The following CCDC3 variants were observed in gnomAD, a reference collection of about 807,000 sequenced individuals.
The protein encoded by CCDC3 is coiled-coil domain-containing protein 3.
CCDC3 carries 24 observed loss-of-function variants against 21.4 expected under a neutral mutation model. The ratio of observed to expected loss-of-function variants is 1.12; its 90% confidence interval spans 0.81 to 1.58. The LOEUF is 1.58. Ranked by LOEUF, CCDC3 falls within the 40% of genes most tolerant of loss-of-function variation. CCDC3 has a pLI of 0.00. For synonymous variants in CCDC3, 186 were observed against 166.0 expected, an observed-to-expected ratio of 1.12 and a Z score of -0.93; for missense variants, 425 against 360.9, an observed-to-expected ratio of 1.18 and a Z score of -1.44.
chr10:13,037,157 G>A (rs905832611), intron 5 of CCDC3, among the ~76,000 whole-genome samples: 1 of 151,950 alleles, frequency 6.6e-6, no homozygotes, highest in Non-Finnish European at 1.5e-5. Flanking sequence ...TGTCATCCTT[G>A]CTACATTTTT....
intron 2 of CCDC3, among the ~76,000 whole-genome samples, chr10:12,960,430 G>A (rs2580886): frequency 0.99 from 150,735 of 152,044 alleles, 74,739 homozygotes; most frequent in East Asian, 1. Context: ...CTGAGGATGG[G>A]AACTCCCCCA....
intron 1 of CCDC3, among the ~76,000 whole-genome samples, chr10:12,999,909 A>C (rs1331901596): frequency 6.6e-6 from 1 of 152,186 alleles, no homozygotes; most frequent in Admixed American, 6.5e-5. Context: ...CTTTATTTAG[A>C]AACTACACTT....
At chr10:12,913,272 T>C (rs1164121262) in intron 2 of CCDC3, among the ~76,000 whole-genome samples, 3 of 152,266 alleles carry the variant, frequency 2.0e-5, no homozygotes, top group Non-Finnish European at 2.9e-5. Flanking sequence ...CAATGTCTTA[T>C]AGTTTTCAGT....
intron 3 of CCDC3, among the ~76,000 whole-genome samples, chr10:13,079,638 G>T (rs1441416742): frequency 1.3e-5 from 2 of 152,214 alleles, no homozygotes; most frequent in Admixed American, 6.5e-5. Context: ...ATGTCTTAGA[G>T]GTTAAAAAGA....
intron 2 of CCDC3, among the ~76,000 whole-genome samples, chr10:12,993,651 G>C (rs1434334544): frequency 3.3e-5 from 5 of 152,300 alleles, no homozygotes; most frequent in African/African-American, 4.8e-5. Flanking sequence ...GGTGTGGAAA[G>C]AAATCTGCCA....
intron 2 of CCDC3, among the ~76,000 whole-genome samples, chr10:12,900,451 G>A (rs1834074302): frequency 6.6e-6 from 1 of 150,512 alleles, no homozygotes; most frequent in African/African-American, 2.5e-5. Context: ...GGCTGAGGTG[G>A]GCGGATCACA....
At chr10:13,053,037 G>T (rs552004838) in intron 4 of CCDC3, among the ~76,000 whole-genome samples, 3 of 150,740 alleles carry the variant, frequency 2.0e-5, no homozygotes, top group African/African-American at 7.3e-5. Context: ...CCTTCCAATG[G>T]ATCTTCTTAC....
intron 2 of CCDC3, among the ~76,000 whole-genome samples, chr10:12,900,623 G>A (rs1183064685): frequency 4.0e-5 from 6 of 148,742 alleles, no homozygotes; most frequent in East Asian, 2.0e-4. Context: ...CCTGGGAGGC[G>A]GAGCTTGCAG....
intron 2 of CCDC3, among the ~76,000 whole-genome samples, chr10:12,947,382 C>A (rs1834931857): frequency 6.6e-6 from 1 of 152,004 alleles, no homozygotes; most frequent in Non-Finnish European, 1.5e-5. Flanking sequence ...TCCTGACCTC[C>A]AGTGATCTGC....
chr10:13,039,854 G>C (rs1352615852), intron 5 of CCDC3, among the ~76,000 whole-genome samples: 1 of 151,418 alleles, frequency 6.6e-6, no homozygotes, highest in African/African-American at 2.4e-5. Flanking sequence ...AACTGTGACA[G>C]ACGTACTGGT....
intron 2 of CCDC3, among the ~76,000 whole-genome samples, chr10:12,936,752 T>G (rs1049085309): frequency 3.3e-5 from 5 of 152,062 alleles, no homozygotes; most frequent in Non-Finnish European, 7.4e-5. Context: ...TGCAAAAAAA[T>G]TTTAGAAACT....
intron 2 of CCDC3, among the ~76,000 whole-genome samples, chr10:12,944,729 T>A (rs1834889877): frequency 6.6e-6 from 1 of 152,216 alleles, no homozygotes; most frequent in Non-Finnish European, 1.5e-5. Flanking sequence ...TTTTCCTACC[T>A]ATGTTTACTA....
In CCDC3 at chr10:13,007,007, G is replaced by A. The variant is rs533263202; in HGVS notation, c.-1-8495C>T. On this transcript the variant is annotated intron_variant, in intron 5 of 6. Coordinates refer to the CCDC3 transcript ENST00000378839. ...TTCTGATTACTAGTATGCCCCTCCC[G>A]ACCTTTACGGTAGAGGTACTTACCT... 3.3e-5 allele frequency among the ~76,000 whole-genome samples: 5 copies of A among 152,216 alleles called. No individual in the cohort carries two copies. The East Asian group carries it at 5.8e-4, about 18-fold the overall frequency.
At chr10:12,922,462 C>T (rs1351238004) in intron 2 of CCDC3, among the ~76,000 whole-genome samples, 1 of 152,164 alleles carries the variant, frequency 6.6e-6, no homozygotes. Flanking sequence ...CCCCCAGAAA[C>T]CTATTCTCTC....
chr10:13,096,045 C>T (rs555716591), intron 3 of CCDC3, among the ~76,000 whole-genome samples: 79 of 152,210 alleles, frequency 5.2e-4, no homozygotes, highest in African/African-American at 1.7e-3. Context: ...GTAGCAAGTA[C>T]GAATATTAGT....
intron 2 of CCDC3, among the ~76,000 whole-genome samples, chr10:12,943,547 G>C (rs1205514631): frequency 6.6e-6 from 1 of 152,214 alleles, no homozygotes; most frequent in East Asian, 1.9e-4. Flanking sequence ...CAACATGGAG[G>C]TTCCCTCCTC....
intron 5 of CCDC3, among the ~76,000 whole-genome samples, chr10:13,015,436 G>T (rs1280184072): frequency 2.6e-5 from 4 of 152,008 alleles, no homozygotes; most frequent in Admixed American, 1.3e-4. Flanking sequence ...GGGTCTTCTG[G>T]CATTGACGAT....
intron 2 of CCDC3, among the ~76,000 whole-genome samples, chr10:12,964,084 A>C (rs1835221953): frequency 6.6e-6 from 1 of 152,106 alleles, no homozygotes; most frequent in Non-Finnish European, 1.5e-5. Flanking sequence ...TGAGAATCAC[A>C]TTTTCCAGCC....
intron 2 of CCDC3, among the ~76,000 whole-genome samples, chr10:12,943,117 T>TATAAATTAAGTACTCCTTAAACTCTTAG (rs1589015834): frequency 6.6e-6 from 1 of 151,938 alleles, no homozygotes; most frequent in East Asian, 1.9e-4. Context: ...TAAGCGCTTA[T>TATAAATTAAGTACTCCTTAAACTCTTAG]ATAAATTAAG....
Sources: allele counts gnomAD v4.1 joint callset (sites outside exome capture counted in the v4.1 genomes callset), GRCh38; gene constraint gnomAD v4.1.1; transcripts MANE v1.5; gene names NCBI Gene and HGNC (gene_info 2026-07-23, HGNC 2026-07-21).